The following EHMT1 variants were observed in gnomAD, a reference collection of about 807,000 sequenced individuals.
The protein encoded by EHMT1 is histone-lysine N-methyltransferase EHMT1.
Under a neutral mutation model 147.2 loss-of-function variants are expected in EHMT1, and 15 were observed. The observed-to-expected ratio is 0.10, with a 90% CI of 0.07 to 0.16. The LOEUF is 0.16. Among genes scored for constraint, EHMT1 ranks in the 10% least tolerant of loss-of-function variants. The probability of loss-of-function intolerance (pLI) is 1.00; values close to 1 mark genes in which losing one functional copy is unlikely to be tolerated. For synonymous variants in EHMT1, 795 were observed against 709.6 expected, an observed-to-expected ratio of 1.12 and a Z score of -1.91; for missense variants, 1,587 against 1,772.4, an observed-to-expected ratio of 0.90 and a Z score of 1.88.
chr9:137,701,876 C>T (rs1943868889), intron 1 of EHMT1, among the ~76,000 whole-genome samples: 2 of 151,962 alleles, frequency 1.3e-5, no homozygotes, highest in South Asian at 2.1e-4. Context: ...TCACTGCAAC[C>T]TCTGCCTCCT....
chr9:137,784,069 G>T, intron 15 of EHMT1: 1 of 1,010,700 alleles, frequency 9.9e-7, no homozygotes, highest in South Asian at 1.4e-5. Flanking sequence ...ACTTGAGACC[G>T]GGTCATTTAT....
intron 3 of EHMT1, among the ~76,000 whole-genome samples, chr9:137,724,907 C>T (rs768968658): frequency 1.1e-5 from 1 of 89,510 alleles, no homozygotes; most frequent in South Asian, 4.4e-4. Flanking sequence ...ATGTGGCATT[C>T]GTTGGGCATT....
At chr9:137,709,907 A>G (rs750955632) in intron 1 of EHMT1, among the ~76,000 whole-genome samples, 2 of 152,048 alleles carry the variant, frequency 1.3e-5, no homozygotes, top group African/African-American at 4.8e-5. Flanking sequence ...CCAGTATCAC[A>G]TCACCAGGTG....
intron 9 of EHMT1, among the ~76,000 whole-genome samples, chr9:137,761,949 C>T (rs1252208926): frequency 6.6e-6 from 1 of 152,246 alleles, no homozygotes; most frequent in Non-Finnish European, 1.5e-5. Flanking sequence ...ACCCCCGCCC[C>T]TGCTGCTCAA....
At chr9:137,686,748 T>G (rs1370963107) in intron 1 of EHMT1, among the ~76,000 whole-genome samples, 1 of 149,626 alleles carries the variant, frequency 6.7e-6, no homozygotes, top group Non-Finnish European at 1.5e-5. Flanking sequence ...TTTTTTTTTT[T>G]GAGATGGAGT....
intron 25 of EHMT1, among the ~76,000 whole-genome samples, chr9:137,825,648 C>T (rs771664676): frequency 9.9e-5 from 15 of 152,166 alleles, no homozygotes; most frequent in Non-Finnish European, 2.2e-4. Context: ...GCATATTTTT[C>T]CTCTTGTTGC....
chr9:137,655,070 C>T (rs1449010252), intron 1 of EHMT1, among the ~76,000 whole-genome samples: 1 of 152,048 alleles, frequency 6.6e-6, no homozygotes, highest in Non-Finnish European at 1.5e-5. Flanking sequence ...ATGATCTCGG[C>T]TCACTGCAAC....
intron 2 of EHMT1, among the ~76,000 whole-genome samples, chr9:137,714,924 CT>C (rs754182303): frequency 6.6e-6 from 1 of 152,010 alleles, no homozygotes; most frequent in African/African-American, 2.4e-5. Flanking sequence ...TTCTATTTAA[CT>C]TTTTTTTCAA....
intron 3 of EHMT1, among the ~76,000 whole-genome samples, chr9:137,725,040 G>T (rs991421118): frequency 5.3e-5 from 8 of 150,048 alleles, no homozygotes; most frequent in Non-Finnish European, 1.2e-4. Context: ...GCCTTCGTGG[G>T]GCATTCGTGG....
intron 6 of EHMT1, among the ~76,000 whole-genome samples, chr9:137,751,478 G>A (rs1172912570): frequency 6.6e-6 from 1 of 152,148 alleles, no homozygotes; most frequent in African/African-American, 2.4e-5. Context: ...ATGTGAAGTC[G>A]CATGGGTGCC....
Position 137,836,120 on chromosome 9 carries a change from A to T in EHMT1, c.*1167A>T. The stretch of plus-strand genomic sequence containing the variant: ...ATGAAATCAATAAAAAAAAAGAAGT[A>T]CTTTAAATGGGGTTTTTATTATGAC... On this transcript the variant is annotated 3_prime_UTR_variant, in exon 27 of 27. Transcript: ENST00000460843. The T allele has an allele frequency of 6.6e-6, 1 of 152,362 alleles. No individual in the cohort carries two copies. Among genetic ancestry groups the T allele is most frequent in the Non-Finnish European group, 1.5e-5 (1 of 68,012 alleles). The allele number at this position is 152,362 out of a possible 1,614,324, so 9.4% of individuals were successfully genotyped here.
At chr9:137,698,200 C>T (rs186617534) in intron 1 of EHMT1, among the ~76,000 whole-genome samples, 54 of 152,322 alleles carry the variant, frequency 3.5e-4, no homozygotes, top group Non-Finnish European at 5.3e-4. Context: ...AAAACGTGGA[C>T]GCATTTTGTC....
chr9:137,761,782 G>C (rs1949842764), intron 9 of EHMT1, among the ~76,000 whole-genome samples: 1 of 152,254 alleles, frequency 6.6e-6, no homozygotes, highest in Admixed American at 6.5e-5. Context: ...TTAATTAAGA[G>C]AGGTAATAGT....
chr9:137,643,465 C>T (rs1337040106), intron 1 of EHMT1, among the ~76,000 whole-genome samples: 2 of 151,676 alleles, frequency 1.3e-5, no homozygotes, highest in East Asian at 1.9e-4. Flanking sequence ...CTCAGCCTTC[C>T]GAGTAGCTGG....
intron 1 of EHMT1, among the ~76,000 whole-genome samples, chr9:137,671,606 C>T (rs1171613763): frequency 6.8e-6 from 1 of 146,810 alleles, no homozygotes; most frequent in Non-Finnish European, 1.5e-5. Context: ...CTCATTGCAA[C>T]CTCTGCCTCT....
intron 1 of EHMT1, among the ~76,000 whole-genome samples, chr9:137,647,267 T>C (rs1844963372): frequency 6.6e-6 from 1 of 152,124 alleles, no homozygotes; most frequent in Non-Finnish European, 1.5e-5. Flanking sequence ...TGCCCCAGGC[T>C]GACCTCTTTG....
chr9:137,643,381 C>T (rs1462661079), intron 1 of EHMT1, among the ~76,000 whole-genome samples: 2 of 148,070 alleles, frequency 1.4e-5, no homozygotes, highest in African/African-American at 5.0e-5. Flanking sequence ...CACCCTCTCG[C>T]CCAGGCTGGA....
intron 1 of EHMT1, among the ~76,000 whole-genome samples, chr9:137,639,435 G>C (rs529441357): frequency 6.6e-6 from 1 of 152,056 alleles, no homozygotes; most frequent in Non-Finnish European, 1.5e-5. Flanking sequence ...CAGTACTGTC[G>C]AATTTTACAT....
intron 13 of EHMT1, 34 bp downstream of exon 13, chr9:137,778,089 A>G (rs1951095414): frequency 2.5e-6 from 4 of 1,613,276 alleles, no homozygotes; most frequent in Non-Finnish European, 3.4e-6. Context: ...GAGATGTCTC[A>G]GAGCCTGTTT....
Sources: allele counts gnomAD v4.1 joint callset (sites outside exome capture counted in the v4.1 genomes callset), GRCh38; gene constraint gnomAD v4.1.1; transcripts MANE v1.5; gene names NCBI Gene and HGNC (gene_info 2026-07-23, HGNC 2026-07-21).